Variants in SLC12A2 observed in about 807,000 individuals in gnomAD.
The protein encoded by SLC12A2 is Na-K-2Cl cotransporter 1.
Under a neutral mutation model 136.3 loss-of-function variants are expected in SLC12A2, and 67 were observed. The ratio of observed to expected loss-of-function variants is 0.49; its 90% confidence interval spans 0.40 to 0.60. The LOEUF is 0.60. SLC12A2 is among the 20% of genes least tolerant of loss of function. The pLI is 0.00. For missense variants in SLC12A2, 1,322 were observed against 1,534.7 expected (o/e 0.86, Z 2.32); for synonymous variants, 619 against 562.9 (o/e 1.10, Z -1.41).
rs560231229 is a variant in SLC12A2, at chr5:128,120,865, TAATA to T, written c.1048+6191_1048+6194del. On this transcript the variant is annotated intron_variant, in intron 4 of 26. Coordinates refer to ENST00000262461, the MANE Select transcript of SLC12A2 (RefSeq NM_001046.3). ...CCTAAAACTTAAAGTATAATAATAA[TAATA>T]AATAAAATAAATAAAAATTAATGTT... 3.3e-3 allele frequency among the ~76,000 whole-genome samples: 507 copies of T among 152,044 alleles called. 2 individuals are homozygous for T. The highest frequency in any genetic ancestry group is 0.011 in the African/African-American group (460 of 41,484).
At chr5:128,155,320 A>G (rs148550516) in intron 15 of SLC12A2, among the ~76,000 whole-genome samples, 45 of 152,260 alleles carry the variant, frequency 3.0e-4, no homozygotes, top group Non-Finnish European at 6.0e-4. Flanking sequence ...TTGATTTTTA[A>G]TTTTGGACAT....
intron 17 of SLC12A2, among the ~76,000 whole-genome samples, chr5:128,165,724 G>T (rs867072625): frequency 6.6e-6 from 1 of 152,124 alleles, no homozygotes; most frequent in Admixed American, 6.6e-5. Context: ...AATTGAAAAT[G>T]TAAGTATACA....
rs1286425665 is a variant in SLC12A2, at chr5:128,188,138, T to TAGAG, written c.*1509_*1512dup. The TAGAG allele has an allele frequency of 2.0e-5, 3 of 152,086 alleles. No individual in the cohort carries two copies. The highest frequency in any genetic ancestry group is 7.2e-5 in the African/African-American group (3 of 41,416). 9.4% of individuals were successfully genotyped at this position (152,086 alleles called of 1,614,324 possible). On this transcript the variant is annotated 3_prime_UTR_variant, in exon 27 of 27. Transcript: ENST00000262461. ...ATCAGATTAACAGATACAGGTTTCATAGAGAACAAAGGTGATCATTTGAAG... is the reference window on the plus strand; with the variant it reads ...ATCAGATTAACAGATACAGGTTTCATAGAGAGAGAACAAAGGTGATCATTTGAAG...
At chr5:128,124,135 C>T (rs999135006) in intron 4 of SLC12A2, among the ~76,000 whole-genome samples, 2 of 152,124 alleles carry the variant, frequency 1.3e-5, no homozygotes, top group African/African-American at 4.8e-5. Context: ...TGGCAAAAGC[C>T]CTTGTGACTC....
rs978947519 is a variant in SLC12A2, at chr5:128,188,214, C to T, written c.*1583C>T. 6.6e-6 allele frequency: 1 copy of T among 151,050 alleles called. No homozygotes were observed. Among genetic ancestry groups the T allele is most frequent in the South Asian group, 2.1e-4 (1 of 4,788 alleles). 9.4% of individuals were successfully genotyped at this position (151,050 alleles called of 1,614,324 possible). A position where few individuals can be genotyped will look rare whatever the true frequency, so the allele number is the denominator to read the frequency against. ...TCCAGTTCAAAAATGGAGAATACTT[C>T]GCCTAAAATACTGTTAAGTGGGTTA... On this transcript the variant is annotated 3_prime_UTR_variant, in exon 27 of 27. Transcript: ENST00000262461.
At chr5:128,123,360 A>C (rs1255477841) in intron 4 of SLC12A2, among the ~76,000 whole-genome samples, 1 of 152,118 alleles carries the variant, frequency 6.6e-6, no homozygotes, top group Admixed American at 6.5e-5. Context: ...AGGATACTGG[A>C]ATGTATTTCA....
chr5:128,112,992 C>T (rs1561664425), intron 2 of SLC12A2, 59 bp downstream of exon 2: 2 of 1,423,278 alleles, frequency 1.4e-6, no homozygotes, highest in Admixed American at 2.4e-5. Context: ...ATAAAATCTT[C>T]CTAACGTTCT....
chr5:128,102,329 A>G (rs538690161), intron 1 of SLC12A2, among the ~76,000 whole-genome samples: 59 of 152,172 alleles, frequency 3.9e-4, no homozygotes, highest in African/African-American at 1.1e-3. Context: ...CACCCTAGAA[A>G]TTCTCTGTGC....
At chr5:128,131,439 G>A (rs945981675) in intron 5 of SLC12A2, among the ~76,000 whole-genome samples, 11 of 151,734 alleles carry the variant, frequency 7.2e-5, no homozygotes, top group African/African-American at 4.8e-5. Context: ...CGAGGCGAGC[G>A]GATCACGAGG....
chr5:128,186,481 T>G lies in SLC12A2; in HGVS notation c.3504-15T>G. Reference sequence around the variant, plus strand: ...TCAGGGTTTTTTTTTTTTCTTTTTCTCTTTTTGATACCAGGAGTCTCCCAG... The same window carrying G: ...TCAGGGTTTTTTTTTTTTCTTTTTCGCTTTTTGATACCAGGAGTCTCCCAG... On this transcript the variant is annotated splice_polypyrimidine_tract_variant and intron_variant, in intron 26 of 26. Coordinates refer to ENST00000262461, the MANE Select transcript of SLC12A2 (RefSeq NM_001046.3). 1 of 1,571,548 alleles carries G rather than the reference T, an allele frequency of 6.4e-7. No homozygotes were observed. Among genetic ancestry groups the G allele is most frequent in the Non-Finnish European group, 8.6e-7 (1 of 1,166,960 alleles).
chr5:128,144,038 A>G (rs1762451565), intron 10 of SLC12A2, among the ~76,000 whole-genome samples: 1 of 151,970 alleles, frequency 6.6e-6, no homozygotes, highest in Admixed American at 6.6e-5. Flanking sequence ...AGACTAGGCA[A>G]AATTGTAGGA....
rs757662750 is a variant in SLC12A2, at chr5:128,136,360, C to T, written c.1408+552C>T. 2.0e-5 allele frequency among the ~76,000 whole-genome samples: 3 copies of T among 152,204 alleles called. No homozygotes were observed. The East Asian group carries it at 5.8e-4, about 29-fold the overall frequency. ...CAGCACATTTGGAGGGTGCATGATG[C>T]AGTTTTTTATATTACTTAGTGGTGT... On this transcript the variant is annotated intron_variant, in intron 7 of 26. Coordinates refer to ENST00000262461, the MANE Select transcript of SLC12A2 (RefSeq NM_001046.3).
At chr5:128,126,952 AT>A (rs1761817362) in intron 4 of SLC12A2, among the ~76,000 whole-genome samples, 2 of 27,728 alleles carry the variant, frequency 7.2e-5, no homozygotes, top group South Asian at 8.4e-4. Context: ...ATATATATAT[AT>A]ATATATATAT....
rs574713415 is a variant in SLC12A2, at chr5:128,128,518, G to A, written c.1049-2549G>A. On this transcript the variant is annotated intron_variant, in intron 4 of 26. Coordinates refer to ENST00000262461, the MANE Select transcript of SLC12A2 (RefSeq NM_001046.3). Reference sequence around the variant, plus strand: ...TTTCTATGTCTTCAGCATTTTTAGCGATAACAGAAAGGCTGATTTACAAGA... The same window carrying A: ...TTTCTATGTCTTCAGCATTTTTAGCAATAACAGAAAGGCTGATTTACAAGA... Among the ~76,000 whole-genome samples, 7 of 151,902 alleles carry A rather than the reference G, an allele frequency of 4.6e-5. 1 individual carries two copies. The South Asian group carries it at 1.3e-3, about 27-fold the overall frequency.
At chr5:128,110,882 A>G (rs1031583383) in intron 1 of SLC12A2, 6 of 1,255,474 alleles carry the variant, frequency 4.8e-6, no homozygotes, top group East Asian at 4.6e-5. Context: ...GAATATGCCA[A>G]TTTACAAGTG....
intron 1 of SLC12A2, among the ~76,000 whole-genome samples, chr5:128,087,613 A>G (rs1256278240): frequency 2.6e-5 from 4 of 152,134 alleles, no homozygotes; most frequent in Non-Finnish European, 5.9e-5. Context: ...AAAGGAGATA[A>G]CTATTTTTCA....
At chr5:128,137,129 T>C (rs1295603698) in intron 7 of SLC12A2, among the ~76,000 whole-genome samples, 2 of 152,214 alleles carry the variant, frequency 1.3e-5, no homozygotes, top group Non-Finnish European at 2.9e-5. Context: ...ATTAATAGTA[T>C]ATGTCATTTG....
Position 128,186,652 on chromosome 5 carries a change from C to A in SLC12A2, c.*21C>A, listed in dbSNP as rs1030517100. ...CATAAATGTTCTATACAGTGGACAG[C>A]CCTCCAGAATGGTACTTCAGTGCCT... On this transcript the variant is annotated 3_prime_UTR_variant, in exon 27 of 27. Coordinates refer to ENST00000262461, the MANE Select transcript of SLC12A2 (RefSeq NM_001046.3). 2 of 1,612,476 alleles carry A rather than the reference C, an allele frequency of 1.2e-6. No individual in the cohort carries two copies. Among genetic ancestry groups the A allele is most frequent in the Non-Finnish European group, 1.7e-6 (2 of 1,179,012 alleles).
At chr5:128,128,818 A>C (rs972996224) in intron 4 of SLC12A2, among the ~76,000 whole-genome samples, 1 of 151,526 alleles carries the variant, frequency 6.6e-6, no homozygotes, top group Non-Finnish European at 1.5e-5. Flanking sequence ...AAAAAAAAAA[A>C]AACCTCTAGG....
Sources: gnomAD v4.1 joint callset for allele counts (sites outside exome capture counted in the v4.1 genomes callset) on GRCh38, gnomAD v4.1.1 for gene constraint, MANE v1.5 for transcripts, NCBI Gene and HGNC (gene_info 2026-07-23, HGNC 2026-07-21) for gene names.